The following BRCA1 variants were observed in gnomAD, a reference collection of about 807,000 sequenced individuals.
BRCA1 encodes BRCA1 DNA repair associated, also known as breast cancer type 1 susceptibility protein.
BRCA1 carries 140 observed loss-of-function variants against 173.7 expected under a neutral mutation model. The observed-to-expected ratio is 0.81, with a 90% CI of 0.70 to 0.93. The LOEUF (loss-of-function observed/expected upper bound fraction) is 0.93, where lower values mean the gene tolerates loss of function less well. Ranked by LOEUF, BRCA1 falls within the 40% of genes least tolerant of loss-of-function variation. The probability of loss-of-function intolerance (pLI) is 0.00; values close to 1 mark genes in which losing one functional copy is unlikely to be tolerated. For synonymous variants in BRCA1, 662 were observed against 756.0 expected, an observed-to-expected ratio of 0.88 and a Z score of 2.04; for missense variants, 1,983 against 2,172.5, an observed-to-expected ratio of 0.91 and a Z score of 1.73.
rs1439349282 is a variant in BRCA1 at position 43,097,227 on chromosome 17, G to A, written c.593+17C>T. On this transcript the variant is annotated intron_variant, in intron 8 of 22. Transcript: ENST00000357654. The stretch of plus-strand genomic sequence containing the variant: ...GGAAAATACCAGCTTCATAGACAAA[G>A]GTTCTCTTTGACTCACCTGCAATAA... 6.2e-7 allele frequency: 1 copy of A among 1,610,974 alleles called. No individual in the cohort carries two copies. The highest frequency in any genetic ancestry group is 1.3e-5 in the African/African-American group (1 of 74,816).
intron 1 of BRCA1, chr17:43,131,237 TA>T: frequency 2.8e-6 from 1 of 360,400 alleles, no homozygotes; most frequent in Non-Finnish European, 6.1e-6. Context: ...TGAATAGTAT[TA>T]AAATAAAATA....
chr17:43,046,378 C>A (rs1056474038), intron 22 of BRCA1, among the ~76,000 whole-genome samples: 2 of 151,132 alleles, frequency 1.3e-5, no homozygotes, highest in African/African-American at 4.9e-5. Flanking sequence ...TTACAGGTGC[C>A]TGCCACCATG....
At position 43,138,858 on chromosome 17, in the gene BRCA1, G is replaced by T; in HGVS notation, c.-19-14743C>A. 3 of 778,900 alleles carry T rather than the reference G, an allele frequency of 3.9e-6. No homozygotes were observed. The South Asian group carries it at 4.0e-5, about 10-fold the overall frequency. The allele number at this position is 778,900 out of a possible 1,614,324, so 48.2% of individuals were successfully genotyped here. The stretch of plus-strand genomic sequence containing the variant: ...TCACCAGCCTGGGGACCGTGGGGCT[G>T]CAAGGACCTCAGCAGCGGTGTCCCA... On this transcript the variant is annotated intron_variant, in intron 1 of 7. Transcript: ENST00000634433.
intron 1 of BRCA1, among the ~76,000 whole-genome samples, chr17:43,143,815 C>T (rs35212115): frequency 0.014 from 2,125 of 152,210 alleles, 68 homozygotes; most frequent in African/African-American, 0.049. Context: ...AATACAGTCC[C>T]GCAGAGGGCA....
intron 18 of BRCA1, among the ~76,000 whole-genome samples, chr17:43,060,198 C>T (rs1376321016): frequency 2.0e-5 from 3 of 152,088 alleles, no homozygotes; most frequent in East Asian, 1.9e-4. Context: ...CTCAGCCTCC[C>T]GTGTAGCTGG....
intron 2 of BRCA1, among the ~76,000 whole-genome samples, chr17:43,123,348 T>TG: frequency 6.9e-6 from 1 of 144,050 alleles, no homozygotes; most frequent in Non-Finnish European, 1.5e-5. Context: ...CGATCATCCA[T>TG]GTTTTTTTTT....
chr17:43,105,418 G>A (rs529871415), intron 4 of BRCA1, among the ~76,000 whole-genome samples: 23 of 152,012 alleles, frequency 1.5e-4, no homozygotes, highest in African/African-American at 5.5e-4. Context: ...TATTTATTTT[G>A]TTGGTAGTGA....
At chr17:43,166,339 C>G (rs1468554926) in intron 1 of BRCA1, 1 of 152,364 alleles carries the variant, frequency 6.6e-6, no homozygotes, top group Non-Finnish European at 1.5e-5. Flanking sequence ...GGTGGGGGGT[C>G]TAAAACCAGC....
At chr17:43,074,020 G>A (rs1189980048) in intron 14 of BRCA1, among the ~76,000 whole-genome samples, 2 of 152,122 alleles carry the variant, frequency 1.3e-5, no homozygotes, top group East Asian at 1.9e-4. Context: ...GCCTCCTGGA[G>A]TACTGGGATT....
intron 12 of BRCA1, among the ~76,000 whole-genome samples, chr17:43,078,740 T>C (rs2154097576): frequency 6.6e-6 from 1 of 152,362 alleles, no homozygotes; most frequent in East Asian, 1.9e-4. Context: ...TTGTCTTTTC[T>C]GGACCTGTGA....
chr17:43,144,229 A>G, intron 1 of BRCA1: 1 of 340,332 alleles, frequency 2.9e-6, no homozygotes, highest in South Asian at 2.2e-5. Flanking sequence ...TCTCAATAAA[A>G]AAAATAAAGT....
upstream of BRCA1, among the ~76,000 whole-genome samples, chr17:43,128,064 A>G (rs1413824316): frequency 2.7e-5 from 4 of 148,260 alleles, no homozygotes; most frequent in Non-Finnish European, 5.9e-5. Context: ...AGGCTGCCTG[A>G]GCCAGCAGCA....
chr17:43,149,863 A>G (rs2056149743), intron 1 of BRCA1, among the ~76,000 whole-genome samples: 1 of 151,982 alleles, frequency 6.6e-6, no homozygotes, highest in African/African-American at 2.4e-5. Context: ...ATCTCAGCTC[A>G]CTGCATCCTC....
chr17:43,100,662 A>AT (rs1325411600), intron 6 of BRCA1, among the ~76,000 whole-genome samples: 2 of 5,068 alleles, frequency 3.9e-4, no homozygotes, highest in Non-Finnish European at 8.5e-4. Flanking sequence ...TATAACATAT[A>AT]TATATATATA....
chr17:43,157,779 C>T (rs1405001260), intron 1 of BRCA1, among the ~76,000 whole-genome samples: 3 of 151,968 alleles, frequency 2.0e-5, no homozygotes, highest in African/African-American at 7.2e-5. Flanking sequence ...GGCAGATCAC[C>T]TGAGGCTGGG....
chr17:43,154,718 G>C (rs1390720160), intron 1 of BRCA1, among the ~76,000 whole-genome samples: 1 of 152,124 alleles, frequency 6.6e-6, no homozygotes, highest in Non-Finnish European at 1.5e-5. Flanking sequence ...TATTCTAGGA[G>C]ATAGAAATAC....
chr17:43,128,606 G>A (rs995850243), upstream of BRCA1, among the ~76,000 whole-genome samples: 4 of 152,184 alleles, frequency 2.6e-5, no homozygotes, highest in African/African-American at 9.7e-5. Context: ...CCTTGGGGTG[G>A]TGACACTATC....
intron 16 of BRCA1, 49 bp downstream of exon 16, chr17:43,067,559 T>TG (rs1567771848): frequency 6.7e-7 from 1 of 1,488,624 alleles, no homozygotes; most frequent in Admixed American, 1.7e-5. Flanking sequence ...TCGCCTCATG[T>TG]GGTTTTATGC....
At chr17:43,167,603 T>C (rs1375697235) in intron 1 of BRCA1, 4 of 152,194 alleles carry the variant, frequency 2.6e-5, no homozygotes, top group African/African-American at 4.8e-5. Flanking sequence ...GGGTGTCTGC[T>C]TGTGGATGTC....
Sources: allele counts gnomAD v4.1 joint callset (sites outside exome capture counted in the v4.1 genomes callset), GRCh38; gene constraint gnomAD v4.1.1; transcripts MANE v1.5; gene names NCBI Gene and HGNC (gene_info 2026-07-23, HGNC 2026-07-21).